The following CTDSPL variants were observed in gnomAD, a reference collection of about 807,000 sequenced individuals.
CTDSPL encodes the protein CTD small phosphatase-like protein.
A neutral mutation model predicts 30.5 loss-of-function variants in CTDSPL; 8 were observed. The observed-to-expected ratio is 0.26, with a 90% CI of 0.15 to 0.47. The LOEUF (loss-of-function observed/expected upper bound fraction) is 0.47, where lower values mean the gene tolerates loss of function less well. CTDSPL is among the 20% of genes least tolerant of loss of function. The pLI is 0.99. For missense variants in CTDSPL, 248 were observed against 366.1 expected, an observed-to-expected ratio of 0.68 and a Z score of 2.63; for synonymous variants, 110 against 137.9, an observed-to-expected ratio of 0.80 and a Z score of 1.42.
intron 3 of CTDSPL, among the ~76,000 whole-genome samples, chr3:37,964,249 G>A (rs1699274852): frequency 6.6e-6 from 1 of 151,886 alleles, no homozygotes; most frequent in Admixed American, 6.6e-5. Flanking sequence ...GCAAAATGCT[G>A]GGCATTTTAT....
chr3:37,935,028 A>G (rs970917012), intron 1 of CTDSPL, among the ~76,000 whole-genome samples: 1 of 152,186 alleles, frequency 6.6e-6, no homozygotes, highest in Admixed American at 6.5e-5. Context: ...GAGATGCTTC[A>G]TCTCATACTG....
At chr3:37,885,642 C>T (rs989957854) in intron 1 of CTDSPL, among the ~76,000 whole-genome samples, 1 of 151,924 alleles carries the variant, frequency 6.6e-6, no homozygotes, top group African/African-American at 2.4e-5. Flanking sequence ...GTTTGCAGTA[C>T]CAGAGACTGG....
Position 37,982,565 on chromosome 3 carries a change from G to A in CTDSPL, c.*1698G>A. The A allele has an allele frequency of 2.2e-6, 1 of 456,702 alleles. No individual in the cohort carries two copies. Among genetic ancestry groups the A allele is most frequent in the Non-Finnish European group, 4.4e-6 (1 of 226,972 alleles). 28.3% of individuals were successfully genotyped at this position (456,702 alleles called of 1,614,324 possible). ...TCTTTGTTTTGCTTTCATTCACAAA[G>A]TAATGAAGCCAGCTGCCAATTACAT... On this transcript the variant is annotated 3_prime_UTR_variant, in exon 8 of 8. Transcript: ENST00000273179.
At chr3:37,958,177 A>T (rs556345659) in intron 3 of CTDSPL, among the ~76,000 whole-genome samples, 2 of 152,206 alleles carry the variant, frequency 1.3e-5, no homozygotes, top group African/African-American at 2.4e-5. Context: ...TTGGTAGTAC[A>T]TGTCACTTAC....
chr3:37,894,601 T>C (rs2125598202), intron 1 of CTDSPL, among the ~76,000 whole-genome samples: 1 of 152,288 alleles, frequency 6.6e-6, no homozygotes, highest in South Asian at 2.1e-4. Flanking sequence ...ACTTCTTAAA[T>C]CTGTAAATTT....
At chr3:37,970,523 G>A (rs1385036097) in intron 5 of CTDSPL, among the ~76,000 whole-genome samples, 1 of 152,164 alleles carries the variant, frequency 6.6e-6, no homozygotes, top group Non-Finnish European at 1.5e-5. Context: ...ATTTATTCAA[G>A]TTTGAATTAG....
intron 1 of CTDSPL, among the ~76,000 whole-genome samples, chr3:37,936,351 T>C (rs1336297373): frequency 1.3e-5 from 2 of 152,138 alleles, no homozygotes; most frequent in African/African-American, 4.8e-5. Flanking sequence ...AAGAAAAGGA[T>C]GTTTGGATTC....
chr3:37,890,906 A>C (rs2125596382), intron 1 of CTDSPL, among the ~76,000 whole-genome samples: 1 of 152,348 alleles, frequency 6.6e-6, no homozygotes, highest in South Asian at 2.1e-4. Context: ...CGGTTTTGCC[A>C]CCTTGTTATT....
At chr3:37,876,613 C>T (rs2125590488) in intron 1 of CTDSPL, among the ~76,000 whole-genome samples, 2 of 152,232 alleles carry the variant, frequency 1.3e-5, no homozygotes, top group Middle Eastern at 3.4e-3. Context: ...CAAATAACTT[C>T]CTTGGTGAAG....
At chr3:37,930,780 C>T (rs1284034582) in intron 1 of CTDSPL, among the ~76,000 whole-genome samples, 1 of 152,174 alleles carries the variant, frequency 6.6e-6, no homozygotes, top group Non-Finnish European at 1.5e-5. Flanking sequence ...TCTTCTGTTT[C>T]CTTGTTGACC....
Position 37,942,315 on chromosome 3 carries a change from C to T in CTDSPL, c.80-4742C>T, listed in dbSNP as rs911571668. 3.3e-5 allele frequency among the ~76,000 whole-genome samples: 5 copies of T among 150,340 alleles called. 1 individual carries two copies. Among genetic ancestry groups the T allele is most frequent in the Admixed American group, 6.7e-5 (1 of 15,006 alleles). On this transcript the variant is annotated intron_variant, in intron 1 of 7. Transcript: ENST00000273179. The stretch of plus-strand genomic sequence containing the variant: ...GGAGAACCCTCACTCATTTATGAAG[C>T]GAAAGCTTTTATGAGACTATAATAA...
At chr3:37,946,949 C>A in intron 1 of CTDSPL, 108 bp from the exon 2 acceptor site, 1 of 1,248,376 alleles carries the variant, frequency 8.0e-7, no homozygotes, top group Non-Finnish European at 1.1e-6. Context: ...GCCCTCAGGG[C>A]TGGAATCTGG....
intron 1 of CTDSPL, among the ~76,000 whole-genome samples, chr3:37,921,519 G>C (rs920754210): frequency 7.9e-5 from 12 of 152,118 alleles, no homozygotes; most frequent in African/African-American, 2.7e-4. Context: ...GACAGGAACA[G>C]TTCCTTTTTC....
At chr3:37,929,028 A>G (rs1049215243) in intron 1 of CTDSPL, among the ~76,000 whole-genome samples, 95 of 152,202 alleles carry the variant, frequency 6.2e-4, no homozygotes, top group African/African-American at 2.2e-3. Flanking sequence ...CATGTCTTGA[A>G]AAGACTATCC....
chr3:37,954,635 A>G (rs1324582210), intron 2 of CTDSPL: 1 of 152,252 alleles, frequency 6.6e-6, no homozygotes, highest in South Asian at 2.1e-4. Flanking sequence ...GGTTCCATCC[A>G]CCCTGCATAT....
At chr3:37,965,552 G>A (rs1051933861) in intron 4 of CTDSPL, among the ~76,000 whole-genome samples, 1 of 152,122 alleles carries the variant, frequency 6.6e-6, no homozygotes, top group African/African-American at 2.4e-5. Context: ...CTCTATCATT[G>A]TACTGCATTC....
chr3:37,960,525 T>TAC (rs1224504975), intron 3 of CTDSPL, among the ~76,000 whole-genome samples: 1 of 65,092 alleles, frequency 1.5e-5, no homozygotes, highest in Non-Finnish European at 2.9e-5. Flanking sequence ...TATATATATA[T>TAC]ATATATATAT....
chr3:37,898,463 G>A (rs1333570158), intron 1 of CTDSPL, among the ~76,000 whole-genome samples: 1 of 152,132 alleles, frequency 6.6e-6, no homozygotes, highest in Non-Finnish European at 1.5e-5. Flanking sequence ...GGTAAAGAGA[G>A]TTCAAATATT....
intron 1 of CTDSPL, among the ~76,000 whole-genome samples, chr3:37,865,332 G>C (rs1167634479): frequency 6.6e-6 from 1 of 152,214 alleles, no homozygotes; most frequent in African/African-American, 2.4e-5. Flanking sequence ...AAGTCGTAGA[G>C]GAAGAAATCT....
Sources: gnomAD v4.1 joint callset for allele counts (sites outside exome capture counted in the v4.1 genomes callset) on GRCh38, gnomAD v4.1.1 for gene constraint, MANE v1.5 for transcripts, NCBI Gene and HGNC (gene_info 2026-07-23, HGNC 2026-07-21) for gene names.